Variants in MARCHF1 observed in about 807,000 individuals in gnomAD.
MARCHF1 encodes the protein membrane associated ring-CH-type finger 1.
Under a neutral mutation model 54.2 loss-of-function variants are expected in MARCHF1, and 40 were observed. The ratio of observed to expected loss-of-function variants is 0.74; its 90% confidence interval spans 0.57 to 0.96. The LOEUF (loss-of-function observed/expected upper bound fraction) is 0.96. Ranked by LOEUF, MARCHF1 falls within the 40% of genes least tolerant of loss-of-function variation. The pLI, the probability that MARCHF1 is intolerant of heterozygous loss-of-function variation, is 0.00. For missense variants in MARCHF1, 586 were observed against 656.5 expected, an observed-to-expected ratio of 0.89 and a Z score of 1.17; for synonymous variants, 236 against 236.3, an observed-to-expected ratio of 1.00 and a Z score of 0.01.
At chr4:163,570,937 A>G (rs1353757376) in intron 8 of MARCHF1, among the ~76,000 whole-genome samples, 6 of 151,988 alleles carry the variant, frequency 3.9e-5, no homozygotes, top group Non-Finnish European at 7.4e-5. Flanking sequence ...TTTATTACCT[A>G]TCTGGTTCCT....
At chr4:163,535,148 C>T (rs749620743) in intron 9 of MARCHF1, among the ~76,000 whole-genome samples, 1 of 152,024 alleles carries the variant, frequency 6.6e-6, no homozygotes, top group Non-Finnish European at 1.5e-5. Flanking sequence ...ATACGTTCCA[C>T]ACTTTTAACA....
At chr4:163,983,951 AT>A in intron 3 of MARCHF1, among the ~76,000 whole-genome samples, 1 of 119,050 alleles carries the variant, frequency 8.4e-6, no homozygotes, top group South Asian at 2.7e-4. Context: ...TTTACTAAAA[AT>A]TTTTACTAAA....
chr4:164,020,662 T>C (rs1354435128), intron 2 of MARCHF1, among the ~76,000 whole-genome samples: 2 of 152,204 alleles, frequency 1.3e-5, no homozygotes, highest in South Asian at 2.1e-4. Flanking sequence ...CTGGGTGCCA[T>C]GGCTCATGCC....
intron 2 of MARCHF1, among the ~76,000 whole-genome samples, chr4:164,093,983 T>C (rs987701415): frequency 2.6e-5 from 4 of 152,174 alleles, no homozygotes; most frequent in Admixed American, 2.6e-4. Context: ...TAACTAGTGT[T>C]ATTTTTATCT....
chr4:164,170,373 A>C (rs1048579164), intron 1 of MARCHF1, among the ~76,000 whole-genome samples: 16 of 152,018 alleles, frequency 1.1e-4, no homozygotes, highest in African/African-American at 3.9e-4. Context: ...AGACTTCAAA[A>C]CCTGTTTTAG....
At chr4:164,213,077 A>G (rs911512412) in intron 1 of MARCHF1, among the ~76,000 whole-genome samples, 3 of 151,740 alleles carry the variant, frequency 2.0e-5, no homozygotes, top group South Asian at 2.1e-4. Context: ...TATATTATAT[A>G]TGTGTGTGTG....
At chr4:164,161,902 T>A (rs1730249470) in intron 1 of MARCHF1, among the ~76,000 whole-genome samples, 1 of 152,154 alleles carries the variant, frequency 6.6e-6, no homozygotes, top group Admixed American at 6.6e-5. Flanking sequence ...CATAGTTCAC[T>A]GAGGGACCTG....
intron 1 of MARCHF1, among the ~76,000 whole-genome samples, chr4:164,208,727 G>C (rs1354552688): frequency 6.6e-6 from 1 of 152,122 alleles, no homozygotes; most frequent in Non-Finnish European, 1.5e-5. Context: ...TGGGAAATTG[G>C]TTAAGCTCTG....
At chr4:163,731,808 C>A (rs193057339) in intron 4 of MARCHF1, among the ~76,000 whole-genome samples, 112 of 152,252 alleles carry the variant, frequency 7.4e-4, no homozygotes, top group African/African-American at 2.5e-3. Flanking sequence ...TTATAATTCG[C>A]AAGGAATCAG....
At chr4:163,837,607 G>A (rs1245466606) in intron 4 of MARCHF1, among the ~76,000 whole-genome samples, 1 of 151,434 alleles carries the variant, frequency 6.6e-6, no homozygotes, top group African/African-American at 2.4e-5. Flanking sequence ...TGATAAAACA[G>A]TCAATACACA....
chr4:163,886,254 T>C (rs912675701), intron 3 of MARCHF1, among the ~76,000 whole-genome samples: 1 of 150,686 alleles, frequency 6.6e-6, no homozygotes, highest in African/African-American at 2.4e-5. Context: ...TAGGTATAGA[T>C]AGATATATAG....
chr4:164,087,513 T>C (rs917458456), intron 2 of MARCHF1, among the ~76,000 whole-genome samples: 1 of 152,072 alleles, frequency 6.6e-6, no homozygotes, highest in Non-Finnish European at 1.5e-5. Context: ...GTCAGGTAAA[T>C]AGATTAGAGT....
chr4:164,269,346 C>T (rs368203883), intron 1 of MARCHF1, among the ~76,000 whole-genome samples: 1 of 151,988 alleles, frequency 6.6e-6, no homozygotes, highest in East Asian at 1.9e-4. Context: ...GATAAGCCAC[C>T]CTCACAAGAA....
chr4:164,319,970 A>G (rs910815253), intron 1 of MARCHF1, among the ~76,000 whole-genome samples: 2 of 152,202 alleles, frequency 1.3e-5, no homozygotes, highest in South Asian at 2.1e-4. Flanking sequence ...TTTAAGATTA[A>G]CATATGTATA....
In MARCHF1 at chr4:164,218,755, C is replaced by T. The variant is rs1298430668; in HGVS notation, c.-322-107093G>A. Among the ~76,000 whole-genome samples the T allele has an allele frequency of 2.0e-5, 3 of 149,944 alleles. No individual in the cohort carries two copies. In the South Asian group the frequency reaches 6.4e-4, roughly 32 times the overall value. Reference sequence around the variant, plus strand: ...AGGAGATATATCTAATGTTAAATGACGAGTTAATGGGTGCAACACACCAAC... The same window carrying T: ...AGGAGATATATCTAATGTTAAATGATGAGTTAATGGGTGCAACACACCAAC... On this transcript the variant is annotated intron_variant, in intron 1 of 9. Transcript: ENST00000514618.
intron 2 of MARCHF1, among the ~76,000 whole-genome samples, chr4:164,033,287 A>C (rs9998716): frequency 0.062 from 9,376 of 152,224 alleles, 637 homozygotes; most frequent in East Asian, 0.32. Context: ...AGATGGATTA[A>C]AGACTTAAAT....
chr4:163,656,363 T>C (rs1173450860), intron 5 of MARCHF1, among the ~76,000 whole-genome samples: 2 of 151,942 alleles, frequency 1.3e-5, no homozygotes, highest in African/African-American at 4.8e-5. Context: ...CAGGAAGAAG[T>C]TGAATCCCTG....
At chr4:163,810,230 C>T (rs1748345977) in intron 4 of MARCHF1, among the ~76,000 whole-genome samples, 1 of 152,110 alleles carries the variant, frequency 6.6e-6, no homozygotes, top group Non-Finnish European at 1.5e-5. Flanking sequence ...TCCATGGATG[C>T]CTACACTCTG....
intron 4 of MARCHF1, among the ~76,000 whole-genome samples, chr4:163,722,467 G>A (rs184009263): frequency 9.9e-5 from 15 of 152,266 alleles, no homozygotes; most frequent in African/African-American, 3.4e-4. Flanking sequence ...GTCAATTTTG[G>A]AATAAGTGCG....
Sources: gnomAD v4.1 joint callset for allele counts (sites outside exome capture counted in the v4.1 genomes callset) on GRCh38, gnomAD v4.1.1 for gene constraint, MANE v1.5 for transcripts, NCBI Gene and HGNC (gene_info 2026-07-23, HGNC 2026-07-21) for gene names.